Variants in DLG2 observed in about 807,000 individuals in gnomAD.
The protein encoded by DLG2 is disks large homolog 2.
A neutral mutation model predicts 132.5 loss-of-function variants in DLG2; 45 were observed. The ratio of observed to expected loss-of-function variants is 0.34; its 90% CI spans 0.27 to 0.44. The LOEUF (loss-of-function observed/expected upper bound fraction) is 0.44, where lower values mean the gene tolerates loss of function less well. Ranked by LOEUF, DLG2 falls within the 20% of genes least tolerant of loss-of-function variation. The pLI is 1.00. For synonymous variants in DLG2, 424 were observed against 419.6 expected (o/e 1.01, Z -0.13); for missense variants, 1,045 against 1,196.9 (o/e 0.87, Z 1.87).
intron 2 of DLG2, among the ~76,000 whole-genome samples, chr11:85,623,917 T>C (rs1196429889): frequency 6.6e-6 from 1 of 152,214 alleles, no homozygotes; most frequent in African/African-American, 2.4e-5. Context: ...TTGCATCATA[T>C]CAGAGAATAC....
At chr11:84,273,326 AAAAC>A in intron 7 of DLG2, 1 of 1,390,404 alleles carries the variant, frequency 7.2e-7, no homozygotes, top group Non-Finnish European at 9.3e-7. Flanking sequence ...AAAAAAAAAA[AAAAC>A]CCTGCAGATC....
chr11:83,530,579 A>T (rs1347648663), intron 21 of DLG2, among the ~76,000 whole-genome samples: 1 of 152,038 alleles, frequency 6.6e-6, no homozygotes, highest in Non-Finnish European at 1.5e-5. Context: ...CAGCAATAAG[A>T]TACAGTATTA....
At chr11:83,481,127 T>C (rs2137251521) in intron 22 of DLG2, among the ~76,000 whole-genome samples, 1 of 152,246 alleles carries the variant, frequency 6.6e-6, no homozygotes, top group Non-Finnish European at 1.5e-5. Flanking sequence ...AGGAGATAAA[T>C]GGCCTGATAC....
chr11:85,083,692 A>G (rs754037218), intron 6 of DLG2, among the ~76,000 whole-genome samples: 5 of 152,124 alleles, frequency 3.3e-5, no homozygotes, highest in African/African-American at 9.7e-5. Flanking sequence ...GAGTTTATCT[A>G]AAGACCTGGA....
intron 8 of DLG2, 74 bp downstream of exon 8, chr11:84,251,164 G>C (rs1212181755): frequency 4.4e-6 from 4 of 908,316 alleles, no homozygotes; most frequent in Non-Finnish European, 6.6e-6. Context: ...AACTAAATGT[G>C]AATTGAATTT....
intron 6 of DLG2, among the ~76,000 whole-genome samples, chr11:84,615,840 A>AAAAAAAAAAAAAC (rs1565462492): frequency 7.9e-6 from 1 of 126,222 alleles, no homozygotes; most frequent in African/African-American, 2.9e-5. Context: ...AAAAAAAAAA[A>AAAAAAAAAAAAAC]CTTCATTCCA....
At chr11:84,045,912 C>T (rs567437243) in intron 11 of DLG2, among the ~76,000 whole-genome samples, 9 of 151,280 alleles carry the variant, frequency 5.9e-5, no homozygotes, top group South Asian at 2.1e-4. Flanking sequence ...CCGCTGTAGC[C>T]GTAGAAAGCA....
At chr11:83,476,934 A>G (rs948647924) in intron 22 of DLG2, among the ~76,000 whole-genome samples, 18 of 152,142 alleles carry the variant, frequency 1.2e-4, no homozygotes, top group African/African-American at 4.3e-4. Context: ...TCTAAGGGCA[A>G]TAGTTGAGAA....
chr11:84,455,816 T>G (rs1003982433), intron 7 of DLG2, among the ~76,000 whole-genome samples: 1 of 151,430 alleles, frequency 6.6e-6, no homozygotes. Context: ...AACTGTATCA[T>G]CTAAGAAAGT....
chr11:85,208,629 C>T (rs1052470951), intron 4 of DLG2, among the ~76,000 whole-genome samples: 1 of 152,086 alleles, frequency 6.6e-6, no homozygotes, highest in South Asian at 2.1e-4. Flanking sequence ...CCCCAGTGGT[C>T]CCAACAGGGA....
chr11:84,539,836 A>C (rs1045389121), intron 6 of DLG2, among the ~76,000 whole-genome samples: 3 of 152,204 alleles, frequency 2.0e-5, no homozygotes, highest in Non-Finnish European at 4.4e-5. Flanking sequence ...CCAAAACAGC[A>C]TGGTAGGTAT....
At chr11:84,234,374 T>C (rs922238200) in intron 8 of DLG2, among the ~76,000 whole-genome samples, 1 of 152,186 alleles carries the variant, frequency 6.6e-6, no homozygotes, top group African/African-American at 2.4e-5. Flanking sequence ...TCAGTTGAAT[T>C]CTTTCTTCTG....
intron 6 of DLG2, among the ~76,000 whole-genome samples, chr11:84,832,898 C>A (rs2079221643): frequency 6.6e-6 from 1 of 151,510 alleles, no homozygotes; most frequent in South Asian, 2.1e-4. Flanking sequence ...CAGCAACTTC[C>A]ACCAGCTTTT....
At chr11:83,651,858 G>T in intron 18 of DLG2, 1 of 471,124 alleles carries the variant, frequency 2.1e-6, no homozygotes, top group Non-Finnish European at 4.4e-6. Context: ...AGCTACGAAG[G>T]TCACATTGGC....
chr11:84,888,519 G>A (rs1196900313), intron 6 of DLG2, among the ~76,000 whole-genome samples: 1 of 151,998 alleles, frequency 6.6e-6, no homozygotes, highest in African/African-American at 2.4e-5. Flanking sequence ...GCAAGTGATG[G>A]AATTTCTTGG....
At chr11:84,533,937 A>T (rs944607827) in intron 7 of DLG2, among the ~76,000 whole-genome samples, 3 of 118,182 alleles carry the variant, frequency 2.5e-5, no homozygotes, top group African/African-American at 6.3e-5. Context: ...AAAAAAAAAA[A>T]TCAGAGTAAT....
chr11:85,544,029 G>A (rs1228395892), intron 3 of DLG2, among the ~76,000 whole-genome samples: 4 of 151,978 alleles, frequency 2.6e-5, no homozygotes, highest in Admixed American at 6.6e-5. Flanking sequence ...TTTAGTTGCC[G>A]CTGCTTTTGG....
intron 11 of DLG2, among the ~76,000 whole-genome samples, chr11:83,998,843 G>A (rs1223819777): frequency 1.3e-5 from 2 of 152,182 alleles, no homozygotes; most frequent in African/African-American, 4.8e-5. Context: ...CAAGAGAATT[G>A]TGGACTGTAA....
At chr11:83,499,852 GAT>G (rs60890814) in intron 21 of DLG2, among the ~76,000 whole-genome samples, 1,334 of 61,024 alleles carry the variant, frequency 0.022, 7 homozygotes, top group Middle Eastern at 0.048. Context: ...ACTAATAGGA[GAT>G]ATATATATAT....
Sources: gnomAD v4.1 joint callset for allele counts (sites outside exome capture counted in the v4.1 genomes callset) on GRCh38, gnomAD v4.1.1 for gene constraint, MANE v1.5 for transcripts, NCBI Gene and HGNC (gene_info 2026-07-23, HGNC 2026-07-21) for gene names.